LRFN5: variants seen among roughly 807,000 people sequenced by gnomAD.
The protein encoded by LRFN5 is leucine rich repeat and fibronectin type III domain containing 5, also known as leucine-rich repeat and fibronectin type-III domain-containing protein 5.
In LRFN5, 24 loss-of-function variants were observed where a neutral mutation model predicts 45.6. The observed-to-expected ratio is 0.53, with a 90% confidence interval of 0.38 to 0.74. The LOEUF is 0.74. Among genes scored for constraint, LRFN5 ranks in the 30% least tolerant of loss-of-function variants. The pLI is 0.00. For missense variants in LRFN5, 776 were observed against 861.5 expected, an observed-to-expected ratio of 0.90 and a Z score of 1.24; for synonymous variants, 340 against 313.8, an observed-to-expected ratio of 1.08 and a Z score of -0.88.
intron 2 of LRFN5, among the ~76,000 whole-genome samples, chr14:41,805,181 G>A (rs1226094647): frequency 6.7e-6 from 1 of 150,036 alleles, no homozygotes; most frequent in Non-Finnish European, 1.5e-5. Context: ...TGAAGCAAAG[G>A]TTTGGATGTC....
chr14:41,856,675 A>ATTATTATTATTATTATTATTTTTTTTTTT, intron 2 of LRFN5, among the ~76,000 whole-genome samples: 5 of 18,336 alleles, frequency 2.7e-4, no homozygotes, highest in Admixed American at 1.2e-3. Context: ...TATTATTATT[A>ATTATTATTATTATTATTATTTTTTTTTTT]TTTTTTTTTT....
At chr14:41,729,965 G>A (rs1329505506) in intron 1 of LRFN5, among the ~76,000 whole-genome samples, 1 of 151,824 alleles carries the variant, frequency 6.6e-6, no homozygotes, top group East Asian at 1.9e-4. Flanking sequence ...GGAAGAATTA[G>A]TATTAAAAAT....
intron 2 of LRFN5, among the ~76,000 whole-genome samples, chr14:41,822,242 A>T (rs1490637049): frequency 6.6e-6 from 1 of 151,784 alleles, no homozygotes; most frequent in African/African-American, 2.4e-5. Flanking sequence ...CTTGAGGTGT[A>T]ATGTGAACTT....
chr14:41,801,726 C>G (rs569956076), intron 2 of LRFN5, among the ~76,000 whole-genome samples: 1 of 152,208 alleles, frequency 6.6e-6, no homozygotes, highest in Admixed American at 6.5e-5. Context: ...TTTTTCTCAC[C>G]CTGCCAGTTT....
intron 2 of LRFN5, among the ~76,000 whole-genome samples, chr14:41,814,819 G>A (rs900744028): frequency 2.0e-5 from 3 of 152,136 alleles, no homozygotes; most frequent in South Asian, 2.1e-4. Flanking sequence ...GGTGGGTGGT[G>A]AATCTAATAG....
chr14:41,885,122 T>G, intron 2 of LRFN5, among the ~76,000 whole-genome samples: 1 of 148,984 alleles, frequency 6.7e-6, no homozygotes, highest in African/African-American at 2.5e-5. Flanking sequence ...GTCAAGAGGA[T>G]TGCTGAGTCC....
intron 1 of LRFN5, among the ~76,000 whole-genome samples, chr14:41,666,951 T>C (rs1025884008): frequency 9.9e-5 from 15 of 152,174 alleles, no homozygotes; most frequent in African/African-American, 3.6e-4. Context: ...AAGAACATAA[T>C]GATTATACAA....
chr14:41,880,092 T>G (rs1392367495), intron 2 of LRFN5, among the ~76,000 whole-genome samples: 2 of 151,614 alleles, frequency 1.3e-5, no homozygotes, highest in African/African-American at 4.9e-5. Flanking sequence ...CACGCCGGGA[T>G]AATTTTTTGT....
chr14:41,671,326 G>C (rs1881200362), intron 1 of LRFN5, among the ~76,000 whole-genome samples: 2 of 151,930 alleles, frequency 1.3e-5, no homozygotes. Context: ...TAAAAGTGAA[G>C]GGCAACACAC....
chr14:41,688,910 CAAAAAA>C (rs59803978), intron 1 of LRFN5, among the ~76,000 whole-genome samples: 3 of 125,274 alleles, frequency 2.4e-5, no homozygotes, highest in Non-Finnish European at 3.4e-5. Context: ...CTATTTCTAC[CAAAAAA>C]AAAAAAAAAA....
intron 2 of LRFN5, among the ~76,000 whole-genome samples, chr14:41,775,093 C>CTTT (rs59438733): frequency 1.9e-4 from 21 of 112,492 alleles, no homozygotes; most frequent in African/African-American, 6.7e-4. Flanking sequence ...TTTTCTTTTT[C>CTTT]TTTTTTTTTT....
chr14:41,701,391 T>G (rs1252152176), intron 1 of LRFN5: 1 of 152,186 alleles, frequency 6.6e-6, no homozygotes, highest in African/African-American at 2.4e-5. Context: ...ACTGTCAATT[T>G]CTTACTGCTA....
chr14:41,845,601 T>A (rs1424357499), intron 2 of LRFN5, among the ~76,000 whole-genome samples: 1 of 152,148 alleles, frequency 6.6e-6, no homozygotes, highest in Non-Finnish European at 1.5e-5. Context: ...ATCTGACATC[T>A]AATTCTGACA....
At position 41,891,561 on chromosome 14, in the gene LRFN5, T is replaced by A; in HGVS notation, c.1697T>A (p.Val566Asp). Residue 566 changes from valine (V) to aspartate (D), a missense_variant, in exon 4 of 6, where the codon GTT becomes GAT. By Grantham distance (152) the Val-to-Asp change is radical (BLOSUM62 -3). Coordinates refer to ENST00000298119, the MANE Select transcript of LRFN5 (RefSeq NM_152447.5). ...AATGGGCAACACAAGGTCACCAAGGTTAGCAATGTTTATTCCCAAACTAAC... is the reference window on the plus strand; with the variant it reads ...AATGGGCAACACAAGGTCACCAAGGATAGCAATGTTTATTCCCAAACTAAC... ...NNNGQHKVTK[V>D]SNVYSQTNGA... The A allele has an allele frequency of 6.2e-7, 1 of 1,614,184 alleles. No homozygotes were observed. The highest frequency in any genetic ancestry group is 8.5e-7 in the Non-Finnish European group (1 of 1,180,030).
chr14:41,825,015 GGAAAATGCTT>G (rs1888245554), intron 2 of LRFN5, among the ~76,000 whole-genome samples: 1 of 152,190 alleles, frequency 6.6e-6, no homozygotes, highest in East Asian at 1.9e-4. Flanking sequence ...TAATGGCTGT[GGAAAATGCTT>G]AGCCACAGCT....
At chr14:41,817,695 C>T (rs1406101247) in intron 2 of LRFN5, among the ~76,000 whole-genome samples, 1 of 152,122 alleles carries the variant, frequency 6.6e-6, no homozygotes, top group Admixed American at 6.6e-5. Flanking sequence ...TGTTTATTTT[C>T]ATCTTTCTCC....
chr14:41,725,260 A>T (rs560223148), intron 1 of LRFN5, among the ~76,000 whole-genome samples: 63 of 152,124 alleles, frequency 4.1e-4, no homozygotes, highest in Non-Finnish European at 8.1e-4. Context: ...TAAGAGGAGG[A>T]CTCAGGATAA....
rs1376551563 is a variant in LRFN5 at position 41,892,167 on chromosome 14, G to A, written c.2098+205G>A. 47 of 985,100 alleles carry A rather than the reference G, an allele frequency of 4.8e-5. No individual in the cohort carries two copies. In the Middle Eastern group the frequency reaches 2.1e-3, roughly 43 times the overall value. The allele number at this position is 985,100 out of a possible 1,614,324, so 61.0% of individuals were successfully genotyped here. A position where few individuals can be genotyped will look rare whatever the true frequency, so the allele number is the denominator to read the frequency against. On this transcript the variant is annotated intron_variant, in intron 4 of 5. Coordinates refer to ENST00000298119, the MANE Select transcript of LRFN5 (RefSeq NM_152447.5). The stretch of plus-strand genomic sequence containing the variant: ...GGAAAGGCAACTCTCAAATTCTGAG[G>A]GACTACTGGAAAGCTCTGTGTAATT...
At chr14:41,892,936 G>A (rs1319645478) in intron 4 of LRFN5, 1 of 985,084 alleles carries the variant, frequency 1.0e-6, no homozygotes, top group African/African-American at 1.7e-5. Flanking sequence ...TAAAGAGGGA[G>A]ACAAACATAC....
Sources: allele counts gnomAD v4.1 joint callset (sites outside exome capture counted in the v4.1 genomes callset), GRCh38; gene constraint gnomAD v4.1.1; transcripts MANE v1.5; gene names NCBI Gene and HGNC (gene_info 2026-07-23, HGNC 2026-07-21).